PDE4D: variants seen among roughly 807,000 people sequenced by gnomAD.
PDE4D encodes 3',5'-cyclic-AMP phosphodiesterase 4D.
In PDE4D, 24 loss-of-function variants were observed where a neutral mutation model predicts 87.4. The observed-to-expected ratio is 0.27, with a 90% CI of 0.20 to 0.39. PDE4D has a LOEUF of 0.39. PDE4D is among the 10% of genes least tolerant of loss of function. The pLI, the probability that PDE4D is intolerant of heterozygous loss-of-function variation, is 1.00. For synonymous variants in PDE4D, 384 were observed against 383.2 expected (o/e 1.00, Z -0.02); for missense variants, 714 against 1,041.0 (o/e 0.69, Z 4.32).
At chr5:59,770,267 C>G (rs984173358) in intron 1 of PDE4D, among the ~76,000 whole-genome samples, 5 of 151,610 alleles carry the variant, frequency 3.3e-5, no homozygotes, top group Non-Finnish European at 7.4e-5. Flanking sequence ...ATACAGTGGG[C>G]TGAGGGACTG....
intron 1 of PDE4D, among the ~76,000 whole-genome samples, chr5:59,597,527 A>G (rs1304950847): frequency 6.6e-6 from 1 of 150,942 alleles, no homozygotes. Flanking sequence ...GAGAGAGAGA[A>G]AGAGAGAGAG....
chr5:60,251,188 T>C (rs974431996), intron 1 of PDE4D, among the ~76,000 whole-genome samples: 30 of 152,150 alleles, frequency 2.0e-4, no homozygotes, highest in African/African-American at 6.5e-4. Flanking sequence ...AAATTAGCTA[T>C]TAATTTTTTA....
At chr5:59,176,027 A>C (rs189527237) in intron 5 of PDE4D, among the ~76,000 whole-genome samples, 2 of 152,242 alleles carry the variant, frequency 1.3e-5, no homozygotes, top group East Asian at 3.9e-4. Flanking sequence ...TGAAGCAAAA[A>C]GGAGAGACTG....
intron 1 of PDE4D, among the ~76,000 whole-genome samples, chr5:59,258,690 C>CAT (rs540378166): frequency 1.4e-5 from 2 of 147,870 alleles, no homozygotes; most frequent in Non-Finnish European, 3.0e-5. Flanking sequence ...ATATAGATAA[C>CAT]ATATATATAA....
At position 59,249,170 on chromosome 5, in the gene PDE4D, A is replaced by G. The variant is rs1338977119; in HGVS notation, c.456-33202T>C. 2.0e-5 allele frequency among the ~76,000 whole-genome samples: 3 copies of G among 152,176 alleles called. No homozygotes were observed. In the East Asian group the frequency reaches 5.8e-4, roughly 29 times the overall value. On this transcript the variant is annotated intron_variant, in intron 1 of 14. Coordinates refer to ENST00000340635, the MANE Select transcript of PDE4D (RefSeq NM_001104631.2). ...ATAGAAAATAAGCGAAGAGACAAAC[A>G]GAAAATTAACAGAAGATAAATGGCT...
chr5:60,225,934 C>T (rs565989979), intron 1 of PDE4D, among the ~76,000 whole-genome samples: 1 of 152,174 alleles, frequency 6.6e-6, no homozygotes, highest in East Asian at 1.9e-4. Context: ...GTTCATGCTC[C>T]TAACGACTGG....
intron 1 of PDE4D, among the ~76,000 whole-genome samples, chr5:60,400,007 G>A (rs1457735006): frequency 6.6e-6 from 1 of 152,216 alleles, no homozygotes; most frequent in Admixed American, 6.5e-5. Context: ...CAGAGTAACA[G>A]CAAGGGCATC....
At chr5:59,599,597 G>A (rs1392835051) in intron 1 of PDE4D, among the ~76,000 whole-genome samples, 1 of 152,110 alleles carries the variant, frequency 6.6e-6, no homozygotes, top group East Asian at 1.9e-4. Flanking sequence ...TTAGGCAATA[G>A]AGACCTTTGC....
intron 6 of PDE4D, among the ~76,000 whole-genome samples, chr5:59,010,407 T>A (rs1428867045): frequency 1.3e-5 from 2 of 151,710 alleles, no homozygotes; most frequent in Non-Finnish European, 2.9e-5. Context: ...TATTTTTTTT[T>A]AATTCTTTGT....
chr5:59,586,306 T>C (rs1374445823), intron 1 of PDE4D: 3 of 1,544,880 alleles, frequency 1.9e-6, no homozygotes, highest in African/African-American at 2.7e-5. Context: ...TTTTACAAAC[T>C]GAAGGGAATA....
chr5:59,957,250 T>C (rs1758934407), intron 3 of PDE4D, among the ~76,000 whole-genome samples: 1 of 152,138 alleles, frequency 6.6e-6, no homozygotes, highest in Admixed American at 6.6e-5. Context: ...ACTTTCTTAG[T>C]TGTTGTGCTT....
intron 1 of PDE4D, among the ~76,000 whole-genome samples, chr5:59,686,752 T>G (rs549009102): frequency 6.6e-6 from 1 of 152,336 alleles, no homozygotes; most frequent in Non-Finnish European, 1.5e-5. Context: ...CAGATGACTA[T>G]GTACCACTAT....
At chr5:60,347,089 G>A (rs977492208) in intron 1 of PDE4D, among the ~76,000 whole-genome samples, 1 of 152,112 alleles carries the variant, frequency 6.6e-6, no homozygotes, top group Non-Finnish European at 1.5e-5. Context: ...CAGGGTGATG[G>A]GTTAGAATGA....
intron 1 of PDE4D, among the ~76,000 whole-genome samples, chr5:60,217,845 G>A (rs1744040829): frequency 6.6e-6 from 1 of 151,838 alleles, no homozygotes; most frequent in Admixed American, 6.6e-5. Context: ...ACCACAGTGA[G>A]ATACTACCAC....
chr5:60,487,903 A>C (rs1749281360), intron 1 of PDE4D: 2 of 102,770 alleles, frequency 1.9e-5, no homozygotes, highest in African/African-American at 5.2e-5. Flanking sequence ...CATGTAATTA[A>C]TTTACTGAGC....
intron 2 of PDE4D, among the ~76,000 whole-genome samples, chr5:60,079,597 T>C (rs1262681138): frequency 3.3e-5 from 5 of 152,228 alleles, no homozygotes; most frequent in Non-Finnish European, 5.9e-5. Context: ...TGCATTTGGC[T>C]AGCCAGTTCT....
chr5:59,245,694 C>A (rs1758709277), intron 1 of PDE4D, among the ~76,000 whole-genome samples: 1 of 152,122 alleles, frequency 6.6e-6, no homozygotes, highest in Non-Finnish European at 1.5e-5. Context: ...GGCCTCAAAT[C>A]CTGGTTCTGC....
At chr5:59,021,289 A>AC in intron 6 of PDE4D, among the ~76,000 whole-genome samples, 1 of 152,316 alleles carries the variant, frequency 6.6e-6, no homozygotes, top group East Asian at 1.9e-4. Flanking sequence ...ATAGGCTATC[A>AC]TAGAGTGCTG....
At chr5:60,309,343 G>A (rs978941654) in intron 1 of PDE4D, among the ~76,000 whole-genome samples, 2 of 152,080 alleles carry the variant, frequency 1.3e-5, no homozygotes, top group African/African-American at 4.8e-5. Flanking sequence ...TATAGAAAAA[G>A]AGAAGTATAA....
Sources: allele counts gnomAD v4.1 joint callset (sites outside exome capture counted in the v4.1 genomes callset), GRCh38; gene constraint gnomAD v4.1.1; transcripts MANE v1.5; gene names NCBI Gene and HGNC (gene_info 2026-07-23, HGNC 2026-07-21).